The following NHSL1 variants were observed in gnomAD, a reference collection of about 807,000 sequenced individuals.
The protein encoded by NHSL1 is NHS-like protein 1.
NHSL1 carries 48 observed loss-of-function variants against 95.0 expected under a neutral mutation model. That is an observed-to-expected ratio of 0.51 (90% CI 0.40 to 0.64). NHSL1 has a LOEUF of 0.64. Among genes scored for constraint, NHSL1 ranks in the 30% least tolerant of loss-of-function variants. The pLI is 0.00. For missense variants in NHSL1, 1,971 were observed against 2,077.7 expected (o/e 0.95, Z 1.00); for synonymous variants, 783 against 833.9 (o/e 0.94, Z 1.05).
At chr6:138,468,567 C>A (rs910711930) in intron 3 of NHSL1, among the ~76,000 whole-genome samples, 3 of 152,166 alleles carry the variant, frequency 2.0e-5, no homozygotes, top group Non-Finnish European at 4.4e-5. Context: ...TTGTGCGCTC[C>A]TTATGAGACT....
In NHSL1 at chr6:138,605,808, T is replaced by C. The variant is rs1438226959; in HGVS notation, c.96+86668A>G. Among the ~76,000 whole-genome samples, 6 of 152,190 alleles carry C rather than the reference T, an allele frequency of 3.9e-5. No homozygotes were observed. In the East Asian group the frequency reaches 1.2e-3, roughly 29 times the overall value. ...TGTCTCTGCTGAAGGGAACTACTTG[T>C]AGTTTTGAGAGGAAAATGGCCAGGT... is the stretch of plus-strand genomic sequence containing the variant. On this transcript the variant is annotated intron_variant, in intron 1 of 3. Coordinates refer to the NHSL1 transcript ENST00000491526.
At chr6:138,483,020 A>C (rs1209490733) in intron 2 of NHSL1, among the ~76,000 whole-genome samples, 1 of 152,242 alleles carries the variant, frequency 6.6e-6, no homozygotes, top group African/African-American at 2.4e-5. Flanking sequence ...GATTCCTAGC[A>C]AGTCCTCAAT....
chr6:138,512,753 C>A lies in NHSL1; in HGVS notation c.17-16382G>T, dbSNP rs7759460. On this transcript the variant is annotated intron_variant, in intron 1 of 4. Transcript: ENST00000342260. Reference sequence around the variant, plus strand: ...GATCATTAAGAAGTCTTGGGGCAGACGACCGCTTTCAGCCCTTGCCTGCAA... The same window carrying A: ...GATCATTAAGAAGTCTTGGGGCAGAAGACCGCTTTCAGCCCTTGCCTGCAA... Among the ~76,000 whole-genome samples the A allele has an allele frequency of 8.3e-3, 1,264 of 152,248 alleles. 20 individuals carry two copies. The highest frequency in any genetic ancestry group is 0.028 in the African/African-American group (1,183 of 41,550).
intron 1 of NHSL1, among the ~76,000 whole-genome samples, chr6:138,649,915 A>G (rs2114705131): frequency 6.6e-6 from 1 of 152,226 alleles, no homozygotes; most frequent in African/African-American, 2.4e-5. Flanking sequence ...GGCCCCCACG[A>G]GCCATTCTCC....
intron 3 of NHSL1, among the ~76,000 whole-genome samples, chr6:138,452,407 C>T (rs1163601022): frequency 6.6e-6 from 1 of 152,134 alleles, no homozygotes; most frequent in Non-Finnish European, 1.5e-5. Flanking sequence ...GCCAACTGAT[C>T]CAAAAGTGGG....
At chr6:138,603,742 G>T (rs962937705) in intron 1 of NHSL1, among the ~76,000 whole-genome samples, 2 of 152,150 alleles carry the variant, frequency 1.3e-5, no homozygotes, top group African/African-American at 4.8e-5. Flanking sequence ...AAGCATGTCA[G>T]GTACACTAAA....
At chr6:138,476,466 G>A (rs947320380) in intron 2 of NHSL1, among the ~76,000 whole-genome samples, 5 of 152,148 alleles carry the variant, frequency 3.3e-5, no homozygotes, top group Non-Finnish European at 5.9e-5. Flanking sequence ...TGGACACACA[G>A]ATGGAAATAA....
At chr6:138,477,592 G>A (rs1232594554) in intron 2 of NHSL1, among the ~76,000 whole-genome samples, 2 of 152,188 alleles carry the variant, frequency 1.3e-5, no homozygotes, top group Non-Finnish European at 2.9e-5. Context: ...GACAGAGCAA[G>A]ACCATGCCTC....
At chr6:138,469,298 C>T (rs562436359) in intron 3 of NHSL1, among the ~76,000 whole-genome samples, 2 of 152,328 alleles carry the variant, frequency 1.3e-5, no homozygotes, top group South Asian at 2.1e-4. Context: ...TGAAGACATT[C>T]GCACATGAGT....
chr6:138,626,675 C>T (rs1439359876), intron 1 of NHSL1, among the ~76,000 whole-genome samples: 2 of 71,594 alleles, frequency 2.8e-5, no homozygotes, highest in Non-Finnish European at 5.3e-5. Flanking sequence ...GGGCGGATCA[C>T]GAGGTCAGGA....
At chr6:138,661,427 G>A (rs190629810) in intron 1 of NHSL1, among the ~76,000 whole-genome samples, 5 of 151,616 alleles carry the variant, frequency 3.3e-5, no homozygotes, top group African/African-American at 7.3e-5. Context: ...CCCGGGAAGC[G>A]GAGGTTGCAG....
At chr6:138,523,987 G>C (rs1290492317) in intron 1 of NHSL1, among the ~76,000 whole-genome samples, 1 of 152,226 alleles carries the variant, frequency 6.6e-6, no homozygotes, top group Non-Finnish European at 1.5e-5. Context: ...TTACAGACCT[G>C]AGATGTGTGA....
chr6:138,575,964 T>C (rs529592335), upstream of NHSL1, among the ~76,000 whole-genome samples: 62 of 112,782 alleles, frequency 5.5e-4, no homozygotes, highest in East Asian at 1.8e-3. Context: ...TCCCTACATT[T>C]ATTTATTTAT....
intron 1 of NHSL1, among the ~76,000 whole-genome samples, chr6:138,607,683 C>T (rs1427556868): frequency 6.6e-6 from 1 of 152,146 alleles, no homozygotes; most frequent in Non-Finnish European, 1.5e-5. Context: ...ATGCAAGGAC[C>T]GCCAGGAGTC....
At chr6:138,685,956 T>C (rs1205026887) in intron 1 of NHSL1, among the ~76,000 whole-genome samples, 4 of 152,164 alleles carry the variant, frequency 2.6e-5, no homozygotes, top group African/African-American at 9.7e-5. Flanking sequence ...CCACTTCATA[T>C]AGTATTATCA....
chr6:138,480,215 C>T (rs1171008471), intron 2 of NHSL1, among the ~76,000 whole-genome samples: 1 of 152,158 alleles, frequency 6.6e-6, no homozygotes, highest in East Asian at 1.9e-4. Context: ...TCCTGCAAAT[C>T]GTAGACCCAG....
At chr6:138,525,604 C>T (rs1256565926) in intron 1 of NHSL1, among the ~76,000 whole-genome samples, 2 of 151,430 alleles carry the variant, frequency 1.3e-5, no homozygotes, top group African/African-American at 2.4e-5. Context: ...GTCCTATATG[C>T]TCACTCTATA....
intron 1 of NHSL1, among the ~76,000 whole-genome samples, chr6:138,530,900 T>C (rs1782106263): frequency 6.6e-6 from 1 of 152,096 alleles, no homozygotes; most frequent in Non-Finnish European, 1.5e-5. Context: ...TCAGAAATCG[T>C]CACTAAAGAA....
intron 1 of NHSL1, among the ~76,000 whole-genome samples, chr6:138,612,576 T>C (rs1562391570): frequency 6.6e-6 from 1 of 152,160 alleles, no homozygotes; most frequent in Non-Finnish European, 1.5e-5. Context: ...AGAAGATACA[T>C]GAGAGAGTGA....
Sources: gnomAD v4.1 joint callset for allele counts (sites outside exome capture counted in the v4.1 genomes callset) on GRCh38, gnomAD v4.1.1 for gene constraint, MANE v1.5 for transcripts, NCBI Gene and HGNC (gene_info 2026-07-23, HGNC 2026-07-21) for gene names.